The following CTNNBL1 variants were observed in gnomAD, a reference collection of about 807,000 sequenced individuals.
CTNNBL1 encodes catenin beta like 1.
Under a neutral mutation model 72.7 loss-of-function variants are expected in CTNNBL1, and 31 were observed. The ratio of observed to expected loss-of-function variants is 0.43; its 90% CI spans 0.32 to 0.58. CTNNBL1 has a LOEUF of 0.58. CTNNBL1 is among the 20% of genes least tolerant of loss of function. The pLI is 0.08. For missense variants in CTNNBL1, 534 were observed against 725.1 expected, an observed-to-expected ratio of 0.74 and a Z score of 3.03; for synonymous variants, 240 against 267.3, an observed-to-expected ratio of 0.90 and a Z score of 1.00.
chr20:37,706,161 G>T (rs1405864091), intron 1 of CTNNBL1, among the ~76,000 whole-genome samples: 1 of 152,208 alleles, frequency 6.6e-6, no homozygotes, highest in Non-Finnish European at 1.5e-5. Flanking sequence ...TGGATGGAGG[G>T]TCTTGCCTCC....
chr20:37,797,876 CTT>C (rs998638237), intron 10 of CTNNBL1, among the ~76,000 whole-genome samples: 1 of 152,200 alleles, frequency 6.6e-6, no homozygotes, highest in African/African-American at 2.4e-5. Flanking sequence ...TAACGCCTGT[CTT>C]TGCATGTGCT....
intron 11 of CTNNBL1, among the ~76,000 whole-genome samples, chr20:37,817,977 G>T (rs1052023932): frequency 6.6e-6 from 1 of 152,176 alleles, no homozygotes; most frequent in South Asian, 2.1e-4. Flanking sequence ...ATGACAGAAA[G>T]CATTTGGAAA....
At chr20:37,702,098 C>G (rs1208263572) in intron 1 of CTNNBL1, among the ~76,000 whole-genome samples, 1 of 152,152 alleles carries the variant, frequency 6.6e-6, no homozygotes, top group Non-Finnish European at 1.5e-5. Context: ...CCAGGCTGGT[C>G]TTGAACTCTT....
intron 1 of CTNNBL1, among the ~76,000 whole-genome samples, chr20:37,719,255 T>C (rs1224524352): frequency 6.6e-6 from 1 of 152,206 alleles, no homozygotes; most frequent in Non-Finnish European, 1.5e-5. Context: ...CCAAGGAACT[T>C]GGAGAATTTG....
chr20:37,786,605 A>G (rs1568780101), intron 10 of CTNNBL1, among the ~76,000 whole-genome samples: 1 of 152,118 alleles, frequency 6.6e-6, no homozygotes, highest in Non-Finnish European at 1.5e-5. Context: ...GTGTATTTGT[A>G]TATATATGGT....
chr20:37,862,028 G>GT (rs1287900237), intron 15 of CTNNBL1, among the ~76,000 whole-genome samples: 3 of 152,116 alleles, frequency 2.0e-5, no homozygotes, highest in Non-Finnish European at 2.9e-5. Flanking sequence ...TCAGGGAATG[G>GT]TAAATCCATT....
intron 11 of CTNNBL1, among the ~76,000 whole-genome samples, chr20:37,808,224 G>T (rs944286978): frequency 1.3e-5 from 2 of 151,400 alleles, no homozygotes; most frequent in African/African-American, 2.5e-5. Flanking sequence ...GCAAAGAATT[G>T]TAAGTGATTC....
chr20:37,731,150 A>G (rs1482832451), intron 1 of CTNNBL1, among the ~76,000 whole-genome samples: 1 of 152,080 alleles, frequency 6.6e-6, no homozygotes, highest in Non-Finnish European at 1.5e-5. Flanking sequence ...CGTTTTATCA[A>G]TTTTTAAATG....
chr20:37,864,659 G>A (rs930243544), intron 15 of CTNNBL1, among the ~76,000 whole-genome samples: 2 of 152,198 alleles, frequency 1.3e-5, no homozygotes, highest in African/African-American at 4.8e-5. Context: ...GGGAACCGTG[G>A]TCTGAGGACT....
At chr20:37,833,146 T>G (rs1340155645) in intron 11 of CTNNBL1, among the ~76,000 whole-genome samples, 2 of 152,196 alleles carry the variant, frequency 1.3e-5, no homozygotes, top group African/African-American at 2.4e-5. Context: ...ACATTCCTTC[T>G]CAGGGCTATT....
Position 37,781,686 on chromosome 20 carries a change from A to G in CTNNBL1, c.1031+2351A>G, listed in dbSNP as rs1317272253. Among the ~76,000 whole-genome samples the G allele has an allele frequency of 5.3e-5, 8 of 152,158 alleles. No homozygotes were observed. In the South Asian group the frequency reaches 8.3e-4, roughly 16 times the overall value. The stretch of plus-strand genomic sequence containing the variant: ...TGGGATGGAATTTTTTTTCCATACT[A>G]TAGTCACCCTTTCTGATCTTCTAGT... On this transcript the variant is annotated intron_variant, in intron 10 of 15. Transcript: ENST00000361383.
At chr20:37,747,987 G>T (rs1414216236) in intron 4 of CTNNBL1, among the ~76,000 whole-genome samples, 1 of 152,202 alleles carries the variant, frequency 6.6e-6, no homozygotes, top group East Asian at 1.9e-4. Context: ...TTGGCTATCA[G>T]GTGTGCAGTA....
intron 5 of CTNNBL1, 111 bp downstream of exon 5, chr20:37,757,767 T>C (rs1412940299): frequency 2.7e-6 from 2 of 728,932 alleles, no homozygotes. Context: ...AAGGCTGGAG[T>C]GTGGTGAGGC....
intron 1 of CTNNBL1, among the ~76,000 whole-genome samples, chr20:37,718,831 G>A (rs2073016593): frequency 6.6e-6 from 1 of 152,248 alleles, no homozygotes; most frequent in Admixed American, 6.5e-5. Flanking sequence ...TGGCAGCAGG[G>A]AGAGCTGATG....
chr20:37,780,136 G>A (rs1308418561), intron 10 of CTNNBL1, among the ~76,000 whole-genome samples: 3 of 150,102 alleles, frequency 2.0e-5, no homozygotes, highest in Non-Finnish European at 3.0e-5. Flanking sequence ...CCCTACAGAG[G>A]AGCAAGTTGA....
intron 11 of CTNNBL1, among the ~76,000 whole-genome samples, chr20:37,837,044 G>A (rs949215305): frequency 2.0e-5 from 3 of 152,124 alleles, no homozygotes; most frequent in African/African-American, 2.4e-5. Context: ...ACCAGCTGAA[G>A]AGATCACAGC....
At chr20:37,753,869 G>A (rs2073341448) in intron 4 of CTNNBL1, among the ~76,000 whole-genome samples, 2 of 152,130 alleles carry the variant, frequency 1.3e-5, no homozygotes, top group South Asian at 4.1e-4. Context: ...TACATGGCTG[G>A]TGATAATTTT....
chr20:37,844,307 A>G (rs543194103), intron 13 of CTNNBL1, among the ~76,000 whole-genome samples: 93 of 152,258 alleles, frequency 6.1e-4, no homozygotes, highest in African/African-American at 2.2e-3. Context: ...GCTTGTCACT[A>G]TGCCTCATGT....
At chr20:37,702,663 A>AT (rs1315779009) in intron 1 of CTNNBL1, among the ~76,000 whole-genome samples, 1 of 152,000 alleles carries the variant, frequency 6.6e-6, no homozygotes, top group African/African-American at 2.4e-5. Context: ...CTCATGAGTG[A>AT]TTTTTTTCCT....
Sources: allele counts gnomAD v4.1 joint callset (sites outside exome capture counted in the v4.1 genomes callset), GRCh38; gene constraint gnomAD v4.1.1; transcripts MANE v1.5; gene names NCBI Gene and HGNC (gene_info 2026-07-23, HGNC 2026-07-21).